PLPPR5: variants seen among roughly 807,000 people sequenced by gnomAD.
PLPPR5 encodes the protein phospholipid phosphatase-related protein type 5.
PLPPR5 carries 16 observed loss-of-function variants against 33.9 expected under a neutral mutation model. That is an observed-to-expected ratio of 0.47 (90% CI 0.32 to 0.72). PLPPR5 has a LOEUF of 0.72. PLPPR5 is among the 30% of genes least tolerant of loss of function. The probability of loss-of-function intolerance (pLI) is 0.03; values close to 1 mark genes in which losing one functional copy is unlikely to be tolerated. For missense variants in PLPPR5, 301 were observed against 406.7 expected (o/e 0.74, Z 2.23); for synonymous variants, 163 against 150.3 (o/e 1.08, Z -0.62).
chr1:98,928,449 C>G (rs149402386), intron 3 of PLPPR5, among the ~76,000 whole-genome samples: 5 of 149,946 alleles, frequency 3.3e-5, no homozygotes, highest in African/African-American at 1.2e-4. Context: ...TATTGATACA[C>G]GTTGAAATGG....
chr1:98,998,731 T>C (rs978283115), intron 1 of PLPPR5, among the ~76,000 whole-genome samples: 1 of 152,200 alleles, frequency 6.6e-6, no homozygotes, highest in Non-Finnish European at 1.5e-5. Flanking sequence ...ATCTAACCTC[T>C]TCCAAATCTC....
At chr1:98,921,110 A>G (rs1173703382) in intron 4 of PLPPR5, among the ~76,000 whole-genome samples, 2 of 152,190 alleles carry the variant, frequency 1.3e-5, no homozygotes, top group Non-Finnish European at 2.9e-5. Context: ...ACCCTTGACT[A>G]TTGCCTCTGG....
intron 5 of PLPPR5, among the ~76,000 whole-genome samples, chr1:98,913,910 C>G (rs543024811): frequency 5.9e-5 from 9 of 152,288 alleles, no homozygotes; most frequent in African/African-American, 1.9e-4. Context: ...CACTGCCATG[C>G]CTAATGAGGC....
At chr1:98,995,534 A>T (rs1403957095) in intron 1 of PLPPR5, among the ~76,000 whole-genome samples, 1 of 152,126 alleles carries the variant, frequency 6.6e-6, no homozygotes, top group African/African-American at 2.4e-5. Flanking sequence ...CCACTCTTGA[A>T]TGAGTAGGGT....
At chr1:98,934,025 C>T (rs549441742) in intron 3 of PLPPR5, among the ~76,000 whole-genome samples, 2 of 152,054 alleles carry the variant, frequency 1.3e-5, no homozygotes, top group Non-Finnish European at 2.9e-5. Context: ...GCATGGGCAC[C>T]AGGGGAGGAA....
chr1:98,975,790 G>A (rs565100612), intron 1 of PLPPR5, among the ~76,000 whole-genome samples: 14 of 151,996 alleles, frequency 9.2e-5, no homozygotes, highest in African/African-American at 2.4e-4. Flanking sequence ...AAGCTCTACC[G>A]AACCAACAAG....
intron 3 of PLPPR5, among the ~76,000 whole-genome samples, chr1:98,938,696 G>A (rs553182678): frequency 9.9e-4 from 151 of 151,930 alleles, no homozygotes; most frequent in Non-Finnish European, 1.7e-3. Context: ...AGTTCTGCCC[G>A]GTTCACTGGA....
intron 3 of PLPPR5, among the ~76,000 whole-genome samples, chr1:98,936,668 C>T (rs309058): frequency 0.36 from 54,848 of 152,092 alleles, 10,033 homozygotes; most frequent in Non-Finnish European, 0.4. Context: ...CAGACAGTCT[C>T]TGTTGGTTTT....
chr1:98,968,202 G>A (rs72730376), intron 1 of PLPPR5, among the ~76,000 whole-genome samples: 10,629 of 124,702 alleles, frequency 0.085, 504 homozygotes, highest in Non-Finnish European at 0.11. Context: ...ATACACTCAT[G>A]TTATATACTT....
chr1:98,992,628 C>G (rs929923095), intron 1 of PLPPR5, among the ~76,000 whole-genome samples: 9 of 152,088 alleles, frequency 5.9e-5, no homozygotes, highest in African/African-American at 2.2e-4. Context: ...AACAAAAAAG[C>G]ATCATATCAA....
intron 3 of PLPPR5, among the ~76,000 whole-genome samples, chr1:98,926,220 C>T (rs1467615099): frequency 2.3e-4 from 35 of 152,146 alleles, no homozygotes; most frequent in Admixed American, 2.1e-3. Flanking sequence ...GTGCTTTTGA[C>T]ATCTGTTAGT....
At chr1:98,952,176 T>C (rs781579115) in intron 3 of PLPPR5, among the ~76,000 whole-genome samples, 1 of 145,128 alleles carries the variant, frequency 6.9e-6, no homozygotes, top group Non-Finnish European at 1.5e-5. Flanking sequence ...GGCAGGAGAA[T>C]GGGGTGAACC....
At chr1:98,972,491 C>T (rs897253593) in intron 1 of PLPPR5, among the ~76,000 whole-genome samples, 4 of 152,016 alleles carry the variant, frequency 2.6e-5, no homozygotes, top group Admixed American at 6.6e-5. Flanking sequence ...ATGTGCAGTA[C>T]TGATACTGTT....
At chr1:98,993,803 T>C (rs1056194547) in intron 1 of PLPPR5, among the ~76,000 whole-genome samples, 1 of 151,920 alleles carries the variant, frequency 6.6e-6, no homozygotes, top group African/African-American at 2.4e-5. Flanking sequence ...AAATATGAAA[T>C]GGATATTAGA....
chr1:98,906,673 C>T (rs1648913078), intron 5 of PLPPR5, among the ~76,000 whole-genome samples: 2 of 152,174 alleles, frequency 1.3e-5, no homozygotes, highest in South Asian at 4.1e-4. Context: ...AACAATACTA[C>T]TACCTATCAC....
At chr1:98,969,813 CAT>C (rs1408156183) in intron 1 of PLPPR5, among the ~76,000 whole-genome samples, 1 of 151,908 alleles carries the variant, frequency 6.6e-6, no homozygotes, top group Non-Finnish European at 1.5e-5. Flanking sequence ...TTCCAAAGTA[CAT>C]GTTTCTGTTG....
At chr1:98,953,795 T>C (rs932784136) in intron 2 of PLPPR5, among the ~76,000 whole-genome samples, 1 of 152,220 alleles carries the variant, frequency 6.6e-6, no homozygotes, top group African/African-American at 2.4e-5. Context: ...ATGTTAACGC[T>C]GCTGGAGGTG....
chr1:98,913,012 T>C (rs1570691741), intron 5 of PLPPR5, among the ~76,000 whole-genome samples: 1 of 152,146 alleles, frequency 6.6e-6, no homozygotes, highest in African/African-American at 2.4e-5. Context: ...ATCTCTCTTA[T>C]GGCAGCCATT....
At chr1:98,938,479 C>T (rs1650253476) in intron 3 of PLPPR5, among the ~76,000 whole-genome samples, 1 of 145,092 alleles carries the variant, frequency 6.9e-6, no homozygotes. Context: ...TTAGTCGATA[C>T]ATAAAATAGC....
Sources: gnomAD v4.1 joint callset for allele counts (sites outside exome capture counted in the v4.1 genomes callset) on GRCh38, gnomAD v4.1.1 for gene constraint, MANE v1.5 for transcripts, NCBI Gene and HGNC (gene_info 2026-07-23, HGNC 2026-07-21) for gene names.